PARL: variants seen among roughly 807,000 people sequenced by gnomAD.
PARL encodes presenilin associated rhomboid like.
PARL carries 44 observed loss-of-function variants against 51.6 expected under a neutral mutation model. The observed-to-expected ratio is 0.85, with a 90% CI of 0.67 to 1.10. The LOEUF is 1.10. Among genes scored for constraint, PARL ranks in the 50% least tolerant of loss-of-function variants. The probability of loss-of-function intolerance (pLI) is 0.00; values close to 1 mark genes in which losing one functional copy is unlikely to be tolerated. For missense variants in PARL, 441 were observed against 469.5 expected (o/e 0.94, Z 0.56); for synonymous variants, 172 against 164.0 (o/e 1.05, Z -0.37).
chr3:183,858,064 T>A (rs1405993688), intron 4 of PARL, among the ~76,000 whole-genome samples: 1 of 152,156 alleles, frequency 6.6e-6, no homozygotes, highest in Admixed American at 6.6e-5. Flanking sequence ...ATAATAGAAA[T>A]GCATGTAAAG....
chr3:183,867,459 G>C (rs1334307808), intron 2 of PARL, among the ~76,000 whole-genome samples: 2 of 152,024 alleles, frequency 1.3e-5, no homozygotes, highest in African/African-American at 4.8e-5. Context: ...CCAGAACTTT[G>C]GGAGGCCAAG....
At chr3:183,843,646 T>A (rs927622758) in intron 5 of PARL, among the ~76,000 whole-genome samples, 4 of 151,782 alleles carry the variant, frequency 2.6e-5, no homozygotes, top group Non-Finnish European at 5.9e-5. Flanking sequence ...CTGGCTAACA[T>A]GTTGAAACCC....
At chr3:183,872,105 G>A (rs985518916) in intron 1 of PARL, among the ~76,000 whole-genome samples, 2 of 151,306 alleles carry the variant, frequency 1.3e-5, no homozygotes, top group South Asian at 2.1e-4. Flanking sequence ...AGGTACGAGC[G>A]ATTCTCCTGT....
intron 1 of PARL, among the ~76,000 whole-genome samples, chr3:183,882,226 T>A (rs867729769): frequency 0.22 from 5,436 of 24,608 alleles, 383 homozygotes; most frequent in Non-Finnish European, 0.25. Flanking sequence ...AAAAAAAATA[T>A]ATATATATAT....
intron 3 of PARL, among the ~76,000 whole-genome samples, chr3:183,864,292 C>T (rs1241921934): frequency 6.6e-6 from 1 of 152,114 alleles, no homozygotes; most frequent in Non-Finnish European, 1.5e-5. Flanking sequence ...TGCAAGGCTT[C>T]CTTCTCAGGC....
chr3:183,853,688 A>C (rs1730810539), intron 4 of PARL, among the ~76,000 whole-genome samples: 2 of 152,226 alleles, frequency 1.3e-5, no homozygotes, highest in South Asian at 4.1e-4. Flanking sequence ...CAACATCACT[A>C]ATCACCAGAA....
intron 7 of PARL, among the ~76,000 whole-genome samples, chr3:183,836,952 G>A (rs1728674092): frequency 6.6e-6 from 1 of 152,124 alleles, no homozygotes; most frequent in African/African-American, 2.4e-5. Flanking sequence ...TGTTGGCCAG[G>A]CTGGTTTCGA....
Position 183,833,508 on chromosome 3 carries a change from C to T in PARL, c.1012G>A (p.Gly338Arg). 6.2e-7 allele frequency: 1 copy of T among 1,609,412 alleles called. No individual in the cohort carries two copies. Among genetic ancestry groups the T allele is most frequent in the Non-Finnish European group, 8.5e-7 (1 of 1,175,758 alleles). Residue 338 changes from glycine (G) to arginine (R), a missense_variant, in exon 9 of 10, where the codon GGA (glycine) becomes AGA (arginine). Coordinates refer to ENST00000317096, the MANE Select transcript of PARL (RefSeq NM_018622.7). ...CAAACTTACATTCCAAAAAGAGCTCCCCCAAGATGTGCCGCATGATCAAAA... is the reference window on the plus strand; with the variant it reads ...CAAACTTACATTCCAAAAAGAGCTCTCCCAAGATGTGCCGCATGATCAAAA... ...KFFDHAAHLG[G>R]ALFGIWYVTY...
At chr3:183,846,980 CAGG>C (rs1435499117) in intron 4 of PARL, among the ~76,000 whole-genome samples, 1 of 152,104 alleles carries the variant, frequency 6.6e-6, no homozygotes, top group African/African-American at 2.4e-5. Flanking sequence ...CATGGGTAGC[CAGG>C]AGGATTTATT....
chr3:183,866,727 T>C lies in PARL; in HGVS notation c.360A>G (p.Gln120=), dbSNP rs1577363653. The C allele has an allele frequency of 6.2e-6, 10 of 1,610,168 alleles. No homozygotes were observed. The highest frequency in any genetic ancestry group is 8.5e-6 in the Non-Finnish European group (10 of 1,176,574). ...GCAFGSAAIW[Q]YESLKSRVQS... is the part of the protein sequence containing the mutation. ...GGACCCTGGATTTCAGTGATTCATATTGCCAAATAGCAGCTGATCCAAATG... is the reference window on the plus strand; with the variant it reads ...GGACCCTGGATTTCAGTGATTCATACTGCCAAATAGCAGCTGATCCAAATG... Residue 120 remains glutamine (Q), a synonymous_variant, in exon 3 of 10, where the codon CAA becomes CAG. Coordinates refer to ENST00000317096, the MANE Select transcript of PARL (RefSeq NM_018622.7).
At chr3:183,866,490 A>G in intron 3 of PARL, 135 bp downstream of exon 3, 1 of 745,524 alleles carries the variant, frequency 1.3e-6, no homozygotes, top group Non-Finnish European at 2.4e-6. Flanking sequence ...AAGGTGATAG[A>G]TATTCAGTTC....
intron 1 of PARL, among the ~76,000 whole-genome samples, chr3:183,882,244 T>TA (rs1734575104): frequency 5.1e-4 from 10 of 19,464 alleles, no homozygotes; most frequent in Admixed American, 8.3e-4. Flanking sequence ...TATATATATA[T>TA]TTATATATAT....
intron 4 of PARL, among the ~76,000 whole-genome samples, chr3:183,862,302 T>C (rs139580390): frequency 8.9e-4 from 135 of 152,334 alleles, no homozygotes; most frequent in African/African-American, 3.0e-3. Context: ...CTCTGCTCTA[T>C]TGCTTACTAG....
In PARL at chr3:183,862,794, T is replaced by C. The variant is rs760277840; in HGVS notation, c.470A>G (p.Lys157Arg). ...KEGDFRKEIN[K>R]WWNNLSDGQR... ...GCCATCACTTAGGTTATTCCACCAC[T>C]TGTTAATCTAAAACAGACAGAAAAT... is the stretch of plus-strand genomic sequence containing the variant. The change falls in exon 4 of 10, where the codon AAG (lysine) becomes AGG (arginine). Residue 157 changes from lysine to arginine, a missense_variant. By Grantham distance (26) the Lys-to-Arg change is conservative (BLOSUM62 2). Transcript: ENST00000317096. 3.7e-6 allele frequency: 6 copies of C among 1,613,194 alleles called. No homozygotes were observed. The highest frequency in any genetic ancestry group is 2.2e-5 in the South Asian group (2 of 91,048).
chr3:183,829,856 T>G (rs1308381329), intron 9 of PARL, 147 bp from the exon 10 acceptor site: 2 of 740,204 alleles, frequency 2.7e-6, no homozygotes, highest in African/African-American at 3.4e-5. Flanking sequence ...CGAGAAATGG[T>G]TTAGCTTTCA....
intron 1 of PARL, among the ~76,000 whole-genome samples, chr3:183,883,269 T>C (rs1560444448): frequency 6.6e-6 from 1 of 152,120 alleles, no homozygotes; most frequent in East Asian, 1.9e-4. Flanking sequence ...CTAATACACG[T>C]ACAGTATTTA....
intron 4 of PARL, among the ~76,000 whole-genome samples, chr3:183,855,946 ACT>A (rs1349838097): frequency 2.0e-5 from 3 of 146,850 alleles, no homozygotes; most frequent in East Asian, 2.0e-4. Flanking sequence ...ACAGAGCAAG[ACT>A]CTGTCTCAAA....
chr3:183,851,305 G>T (rs1935639258), intron 4 of PARL, among the ~76,000 whole-genome samples: 1 of 152,104 alleles, frequency 6.6e-6, no homozygotes, highest in Non-Finnish European at 1.5e-5. Context: ...TAGATAAAAT[G>T]AACTTCAGCA....
At chr3:183,848,494 G>T (rs919003232) in intron 4 of PARL, among the ~76,000 whole-genome samples, 1 of 152,144 alleles carries the variant, frequency 6.6e-6, no homozygotes, top group Non-Finnish European at 1.5e-5. Flanking sequence ...GCCCGCGTCG[G>T]CCTCCCAAAG....
Sources: allele counts gnomAD v4.1 joint callset (sites outside exome capture counted in the v4.1 genomes callset), GRCh38; gene constraint gnomAD v4.1.1; transcripts MANE v1.5; gene names NCBI Gene and HGNC (gene_info 2026-07-23, HGNC 2026-07-21).